The following NCBP2L variants were observed in gnomAD, a reference collection of about 807,000 sequenced individuals.
The protein encoded by NCBP2L is nuclear cap-binding protein subunit 2-like.
For synonymous variants in NCBP2L, 39 were observed against 19.2 expected, an observed-to-expected ratio of 2.04 and a Z score of -2.70; for missense variants, 95 against 53.1, an observed-to-expected ratio of 1.79 and a Z score of -2.45.
chrX:107,783,755 T>C (rs1399789278), intron 1 of NCBP2L, among the ~76,000 whole-genome samples: 2 of 111,012 alleles, frequency 1.8e-5, no homozygotes, highest in Non-Finnish European at 3.8e-5. Context: ...CTAATTAACA[T>C]ATACATCAAC....
intron 1 of NCBP2L, among the ~76,000 whole-genome samples, chrX:107,785,365 T>A (rs1930384166): frequency 8.9e-6 from 1 of 111,768 alleles, no homozygotes; most frequent in Non-Finnish European, 1.9e-5. Context: ...TAGCAGAAAT[T>A]CCTTCTCCAT....
At chrX:107,785,554 A>C (rs1234662452) in intron 1 of NCBP2L, among the ~76,000 whole-genome samples, 3 of 111,450 alleles carry the variant, frequency 2.7e-5, no homozygotes, top group Non-Finnish European at 5.7e-5. Context: ...CTTGCTAACA[A>C]CTTCAGGGAG....
chrX:107,782,900 CAT>C (rs1930343894), intron 1 of NCBP2L, among the ~76,000 whole-genome samples: 1 of 107,895 alleles, frequency 9.3e-6, no homozygotes, highest in South Asian at 4.0e-4. Flanking sequence ...TATATACACT[CAT>C]ATACACATAC....
In NCBP2L at chrX:107,794,825, C is replaced by A; in HGVS notation, c.*143C>A. The A allele has an allele frequency of 5.1e-6, 2 of 393,428 alleles. No homozygotes were observed. The highest frequency in any genetic ancestry group is 9.0e-6 in the Non-Finnish European group (2 of 222,043). The allele number at this position is 393,428 out of a possible 1,213,427, so 32.4% of individuals were successfully genotyped here. A position where few individuals can be genotyped will look rare whatever the true frequency, so the allele number is the denominator to read the frequency against. On this transcript the variant is annotated 3_prime_UTR_variant, in exon 2 of 2. Coordinates refer to ENST00000509000, the MANE Select transcript of NCBP2L (RefSeq NM_001348372.2). ...TTTTCTCTGAAAATTTGTTAAATAG[C>A]AGAAACAAAAAAAATCCATTTGTTT...
At position 107,794,569 on chromosome X, in the gene NCBP2L, T is replaced by G; in HGVS notation, c.349T>G (p.Phe117Val). The change falls in exon 2 of 2, where the codon TTT becomes GTT. Residue 117 changes from phenylalanine to valine, a missense_variant. Coordinates refer to ENST00000509000, the MANE Select transcript of NCBP2L (RefSeq NM_001348372.2). The stretch of plus-strand genomic sequence containing the variant: ...TATCTGCACTGATTGGGATGTCGGT[T>G]TTAGAGAGGGTCAACAGTATGGTCG... ...WIICTDWDVG[F>V]REGQQYGRGK... 1.8e-6 allele frequency: 1 copy of G among 569,705 alleles called. No homozygotes were observed. Among genetic ancestry groups the G allele is most frequent in the Non-Finnish European group, 3.2e-6 (1 of 309,363 alleles). The allele number at this position is 569,705 out of a possible 1,213,427, so 47.0% of individuals were successfully genotyped here.
In NCBP2L at chrX:107,794,336, C is replaced by G; in HGVS notation, c.116C>G (p.Ser39Cys). The G allele has an allele frequency of 1.8e-6, 1 of 570,103 alleles. No individual in the cohort carries two copies. The allele number at this position is 570,103 out of a possible 1,213,427, so 47.0% of individuals were successfully genotyped here. ...CAGGAAAAATTACTGAAGGAAAGCT[C>G]CACATTGAATATGGGGAATCTTTCC... ...FQQEKLLKES[S>C]TLNMGNLSFY... is the part of the protein sequence containing the mutation. Residue 39 changes from serine (S) to cysteine (C), a missense_variant, in exon 2 of 2, where the codon TCC becomes TGC. By Grantham distance (112) the Ser-to-Cys change is moderately radical. Coordinates refer to ENST00000509000, the MANE Select transcript of NCBP2L (RefSeq NM_001348372.2).
intron 1 of NCBP2L, among the ~76,000 whole-genome samples, chrX:107,790,267 C>A (rs1417589259): frequency 2.7e-5 from 3 of 112,109 alleles, no homozygotes; most frequent in African/African-American, 9.7e-5. Context: ...ATTATTAGTC[C>A]AGGCTTTCCA....
At chrX:107,782,165 CTA>C (rs1315796995) in intron 1 of NCBP2L, among the ~76,000 whole-genome samples, 468 of 40,575 alleles carry the variant, frequency 0.012, 36 homozygotes, top group African/African-American at 0.051. Flanking sequence ...TACATCACGG[CTA>C]TATATATATA....
Position 107,794,888 on chromosome X carries a change from T to A in NCBP2L, c.*206T>A. ...TGAAGATGCTTTTCAGATTACCAGT[T>A]TGACTGTTAGGTGGTCCAAAGTGAA... On this transcript the variant is annotated 3_prime_UTR_variant, in exon 2 of 2. Coordinates refer to ENST00000509000, the MANE Select transcript of NCBP2L (RefSeq NM_001348372.2). 2.9e-6 allele frequency: 1 copy of A among 339,109 alleles called. No individual in the cohort carries two copies. Among genetic ancestry groups the A allele is most frequent in the Non-Finnish European group, 5.2e-6 (1 of 194,119 alleles). 27.9% of individuals were successfully genotyped at this position (339,109 alleles called of 1,213,427 possible). A position where few individuals can be genotyped will look rare whatever the true frequency, so the allele number is the denominator to read the frequency against.
intron 1 of NCBP2L, among the ~76,000 whole-genome samples, chrX:107,791,022 G>A (rs1297953670): frequency 9.0e-6 from 1 of 111,490 alleles, no homozygotes; most frequent in Non-Finnish European, 1.9e-5. Context: ...CAGATTGTGA[G>A]CTACCTGAGG....
intron 1 of NCBP2L, among the ~76,000 whole-genome samples, chrX:107,783,466 G>A (rs992959130): frequency 9.5e-6 from 1 of 104,722 alleles, no homozygotes; most frequent in African/African-American, 3.5e-5. Flanking sequence ...TCTGCCTCCC[G>A]GATTCAAGCG....
intron 1 of NCBP2L, among the ~76,000 whole-genome samples, chrX:107,790,256 T>C (rs1478679804): frequency 8.9e-6 from 1 of 112,466 alleles, no homozygotes; most frequent in Non-Finnish European, 1.9e-5. Flanking sequence ...TACTACAGCA[T>C]ATTATTAGTC....
At chrX:107,784,568 GATAACAATCTCTGGCCCCAACC>G (rs1325326848) in intron 1 of NCBP2L, among the ~76,000 whole-genome samples, 2 of 109,554 alleles carry the variant, frequency 1.8e-5, no homozygotes, top group Non-Finnish European at 3.8e-5. Flanking sequence ...AACTTTTCCC[GATAACAATCTCTGGCCCCAACC>G]ATAACAATCT....
chrX:107,788,115 C>T (rs772899393), intron 1 of NCBP2L, among the ~76,000 whole-genome samples: 6 of 112,076 alleles, frequency 5.4e-5, no homozygotes, highest in African/African-American at 1.9e-4. Flanking sequence ...CCACTCCAAC[C>T]AAGCTCTACT....
chrX:107,783,858 A>ATG (rs756413239), intron 1 of NCBP2L, among the ~76,000 whole-genome samples: 3,465 of 96,885 alleles, frequency 0.036, 67 homozygotes, highest in African/African-American at 0.063. Context: ...TGGTGTGCGT[A>ATG]TGTGTGTGTG....
At chrX:107,791,472 C>A (rs948024784) in intron 1 of NCBP2L, among the ~76,000 whole-genome samples, 2 of 111,995 alleles carry the variant, frequency 1.8e-5, no homozygotes, top group Non-Finnish European at 3.8e-5. Flanking sequence ...TCTTGAACTC[C>A]TGGGATTAAG....
intron 1 of NCBP2L, among the ~76,000 whole-genome samples, chrX:107,786,467 G>T (rs1047368312): frequency 1.8e-5 from 2 of 111,535 alleles, no homozygotes; most frequent in African/African-American, 6.5e-5. Flanking sequence ...TTGACTGCTG[G>T]TACTGGAGTC....
chrX:107,779,165 T>C (rs778800005), intron 1 of NCBP2L, among the ~76,000 whole-genome samples: 78 of 112,060 alleles, frequency 7.0e-4, no homozygotes, highest in Non-Finnish European at 1.3e-3. Flanking sequence ...GTTATTAATG[T>C]AATAAATAAC....
chrX:107,791,103 T>C (rs1366510289), intron 1 of NCBP2L, among the ~76,000 whole-genome samples: 2 of 112,387 alleles, frequency 1.8e-5, no homozygotes. Context: ...GTTGATTGAA[T>C]GAATGGAGAA....
Sources: allele counts gnomAD v4.1 joint callset (sites outside exome capture counted in the v4.1 genomes callset), GRCh38; gene constraint gnomAD v4.1.1; transcripts MANE v1.5; gene names NCBI Gene and HGNC (gene_info 2026-07-23, HGNC 2026-07-21).